PID1: variants seen among roughly 807,000 people sequenced by gnomAD.
PID1 encodes phosphotyrosine interaction domain containing 1.
In PID1, 10 loss-of-function variants were observed where a neutral mutation model predicts 19.1. That is an observed-to-expected ratio of 0.52 (90% CI 0.32 to 0.89). The LOEUF is 0.89. Among genes scored for constraint, PID1 ranks in the 40% least tolerant of loss-of-function variants. PID1 has a pLI of 0.03. For missense variants in PID1, 248 were observed against 285.3 expected, an observed-to-expected ratio of 0.87 and a Z score of 0.94; for synonymous variants, 130 against 116.0, an observed-to-expected ratio of 1.12 and a Z score of -0.78.
intron 2 of PID1, among the ~76,000 whole-genome samples, chr2:229,102,237 T>C (rs1486403749): frequency 1.3e-5 from 2 of 152,058 alleles, no homozygotes; most frequent in Non-Finnish European, 2.9e-5. Flanking sequence ...GCTTGTGTTT[T>C]CCATAACACT....
chr2:229,178,536 T>C (rs1013325648), intron 1 of PID1, among the ~76,000 whole-genome samples: 1 of 152,190 alleles, frequency 6.6e-6, no homozygotes, highest in Non-Finnish European at 1.5e-5. Flanking sequence ...TAATCTTGAT[T>C]GTAGTCTTTC....
chr2:229,063,477 T>C (rs2106194909), intron 2 of PID1, among the ~76,000 whole-genome samples: 1 of 152,274 alleles, frequency 6.6e-6, no homozygotes, highest in South Asian at 2.1e-4. Context: ...TCCATTATGG[T>C]CAGAACAGTT....
chr2:229,123,145 A>C (rs1695556447), intron 2 of PID1, among the ~76,000 whole-genome samples: 1 of 152,018 alleles, frequency 6.6e-6, no homozygotes, highest in Admixed American at 6.5e-5. Flanking sequence ...TCCAAAAAAA[A>C]ACTCGTTATC....
chr2:229,031,466 G>A (rs760639242), intron 2 of PID1, among the ~76,000 whole-genome samples: 15 of 151,954 alleles, frequency 9.9e-5, no homozygotes, highest in Admixed American at 2.0e-4. Context: ...CTGAGCAGGA[G>A]AACTGCTTGA....
At chr2:229,133,740 C>T (rs1236047700) in intron 2 of PID1, among the ~76,000 whole-genome samples, 1 of 152,012 alleles carries the variant, frequency 6.6e-6, no homozygotes, top group African/African-American at 2.4e-5. Flanking sequence ...TTTTCAATCT[C>T]AGAATTATTG....
intron 2 of PID1, among the ~76,000 whole-genome samples, chr2:229,084,870 G>A (rs960308101): frequency 4.0e-5 from 4 of 99,922 alleles, no homozygotes; most frequent in South Asian, 4.2e-4. Context: ...AATTCACAGC[G>A]AGCAAGCAGT....
At chr2:229,093,326 G>C (rs143743130) in intron 2 of PID1, among the ~76,000 whole-genome samples, 2 of 151,980 alleles carry the variant, frequency 1.3e-5, no homozygotes, top group East Asian at 3.9e-4. Context: ...GTTTCACCAC[G>C]TTGTCCAGGC....
At chr2:229,076,679 T>C (rs1694565213) in intron 2 of PID1, among the ~76,000 whole-genome samples, 1 of 152,142 alleles carries the variant, frequency 6.6e-6, no homozygotes, top group Non-Finnish European at 1.5e-5. Context: ...TTGCTGAGAA[T>C]AATGGTTTCC....
intron 1 of PID1, among the ~76,000 whole-genome samples, chr2:229,165,108 A>G (rs1690571951): frequency 6.6e-6 from 1 of 152,198 alleles, no homozygotes; most frequent in African/African-American, 2.4e-5. Context: ...TTCTAGTGCC[A>G]CTAGTGGGGA....
intron 2 of PID1, among the ~76,000 whole-genome samples, chr2:229,058,967 A>C (rs67450816): frequency 6.6e-6 from 1 of 152,222 alleles, no homozygotes; most frequent in East Asian, 1.9e-4. Flanking sequence ...TGTTAGGGGA[A>C]GAACACTAAT....
chr2:229,256,387 C>A (rs1018576151), intron 1 of PID1, among the ~76,000 whole-genome samples: 3 of 152,194 alleles, frequency 2.0e-5, no homozygotes, highest in Non-Finnish European at 4.4e-5. Context: ...AATATTTCTG[C>A]AAGCTAAAGC....
At chr2:229,096,248 C>T (rs1694968917) in intron 2 of PID1, among the ~76,000 whole-genome samples, 1 of 152,108 alleles carries the variant, frequency 6.6e-6, no homozygotes, top group Non-Finnish European at 1.5e-5. Context: ...TGTGATTAAT[C>T]TGAAATAGAG....
intron 2 of PID1, among the ~76,000 whole-genome samples, chr2:229,032,470 T>C (rs927577064): frequency 1.3e-5 from 2 of 152,184 alleles, no homozygotes; most frequent in African/African-American, 4.8e-5. Context: ...GCCCTGTCTT[T>C]AAGAGTCGCA....
intron 1 of PID1, among the ~76,000 whole-genome samples, chr2:229,176,350 C>T (rs1690823258): frequency 6.6e-6 from 1 of 152,132 alleles, no homozygotes; most frequent in Non-Finnish European, 1.5e-5. Flanking sequence ...AGTCACATGC[C>T]CAGCTGACTT....
intron 1 of PID1, among the ~76,000 whole-genome samples, chr2:229,255,203 A>G (rs1240063312): frequency 6.6e-6 from 1 of 152,204 alleles, no homozygotes; most frequent in East Asian, 1.9e-4. Flanking sequence ...TGAATCAAGT[A>G]GATGGGTTGA....
At chr2:229,151,486 T>C (rs1395683625) in intron 2 of PID1, among the ~76,000 whole-genome samples, 1 of 152,228 alleles carries the variant, frequency 6.6e-6, no homozygotes, top group Non-Finnish European at 1.5e-5. Flanking sequence ...AGTGCATAGA[T>C]GAGTGCTTAA....
chr2:229,157,211 C>T (rs1276229766), intron 1 of PID1, among the ~76,000 whole-genome samples: 2 of 152,262 alleles, frequency 1.3e-5, no homozygotes, highest in African/African-American at 4.8e-5. Flanking sequence ...AAGGGGATCA[C>T]GTGAGGTCAC....
At chr2:229,180,955 G>A (rs757895600) in intron 1 of PID1, among the ~76,000 whole-genome samples, 22 of 152,214 alleles carry the variant, frequency 1.4e-4, no homozygotes, top group Non-Finnish European at 1.8e-4. Flanking sequence ...TCCAAGGCAC[G>A]GGCCCCTCTC....
chr2:229,036,547 G>A (rs1232280005), intron 2 of PID1, among the ~76,000 whole-genome samples: 1 of 151,864 alleles, frequency 6.6e-6, no homozygotes, highest in East Asian at 1.9e-4. Context: ...TCAGGAGTTC[G>A]AGACCAGCCT....
Sources: allele counts gnomAD v4.1 joint callset (sites outside exome capture counted in the v4.1 genomes callset), GRCh38; gene constraint gnomAD v4.1.1; transcripts MANE v1.5; gene names NCBI Gene and HGNC (gene_info 2026-07-23, HGNC 2026-07-21).